HECW2: variants seen among roughly 807,000 people sequenced by gnomAD.
HECW2 encodes HECT, C2 and WW domain containing E3 ubiquitin protein ligase 2.
HECW2 carries 61 observed loss-of-function variants against 175.2 expected under a neutral mutation model. The ratio of observed to expected loss-of-function variants is 0.35; its 90% CI spans 0.28 to 0.43. HECW2 has a LOEUF of 0.43. Among genes scored for constraint, HECW2 ranks in the 20% least tolerant of loss-of-function variants. The pLI is 1.00. For synonymous variants in HECW2, 671 were observed against 731.0 expected (o/e 0.92, Z 1.32); for missense variants, 1,524 against 2,000.5 (o/e 0.76, Z 4.54).
intron 23 of HECW2, among the ~76,000 whole-genome samples, chr2:196,223,283 A>G (rs982417660): frequency 7.9e-5 from 12 of 152,334 alleles, no homozygotes; most frequent in Admixed American, 7.2e-4. Flanking sequence ...TCACACTTCA[A>G]TTTAAGAAAA....
chr2:196,312,018 T>C (rs1436870610), intron 10 of HECW2, among the ~76,000 whole-genome samples: 1 of 152,116 alleles, frequency 6.6e-6, no homozygotes, highest in Admixed American at 6.6e-5. Context: ...GAACGTAAGG[T>C]CTTCAGAGTT....
intron 4 of HECW2, among the ~76,000 whole-genome samples, chr2:196,333,729 T>G (rs1213057203): frequency 3.3e-5 from 5 of 152,168 alleles, no homozygotes; most frequent in East Asian, 3.8e-4. Flanking sequence ...AAAATAAAAT[T>G]TAAAAAATCA....
At chr2:196,266,203 G>A (rs567111894) in intron 17 of HECW2, among the ~76,000 whole-genome samples, 224 of 151,258 alleles carry the variant, frequency 1.5e-3, no homozygotes, top group Middle Eastern at 6.8e-3. Context: ...AACAATTAGC[G>A]GGGCAAGGTG....
intron 1 of HECW2, among the ~76,000 whole-genome samples, chr2:196,460,890 AC>A (rs1282620199): frequency 6.7e-6 from 1 of 149,068 alleles, no homozygotes; most frequent in Non-Finnish European, 1.5e-5. Context: ...CTCCCAAAGT[AC>A]TAGGATTACA....
intron 28 of HECW2, among the ~76,000 whole-genome samples, chr2:196,211,211 A>C (rs2105787632): frequency 6.6e-6 from 1 of 152,270 alleles, no homozygotes; most frequent in Non-Finnish European, 1.5e-5. Flanking sequence ...AACCTGGGGG[A>C]TGAACACAGA....
intron 1 of HECW2, among the ~76,000 whole-genome samples, chr2:196,532,763 A>AT (rs1688884341): frequency 6.6e-6 from 1 of 152,100 alleles, no homozygotes; most frequent in African/African-American, 2.4e-5. Context: ...GCTATCATCT[A>AT]TATTTATTGC....
In HECW2 at chr2:196,458,300, G is replaced by A. The variant is rs149520366; in HGVS notation, c.-35-24842C>T. On this transcript the variant is annotated intron_variant, in intron 1 of 28. Coordinates refer to ENST00000644978, the MANE Select transcript of HECW2 (RefSeq NM_001348768.2). ...AATTATTAAAAAAGTAAAATATTGGGAACTATCTCTTTCCTGTGCACTCTA... is the reference window on the plus strand; with the variant it reads ...AATTATTAAAAAAGTAAAATATTGGAAACTATCTCTTTCCTGTGCACTCTA... 9.6e-3 allele frequency among the ~76,000 whole-genome samples: 1,466 copies of A among 152,028 alleles called. 11 individuals carry two copies. Among genetic ancestry groups the A allele is most frequent in the Middle Eastern group, 0.02 (6 of 294 alleles).
chr2:196,229,125 G>A (rs1687956189), intron 21 of HECW2, among the ~76,000 whole-genome samples: 1 of 152,162 alleles, frequency 6.6e-6, no homozygotes, highest in Non-Finnish European at 1.5e-5. Flanking sequence ...TCGACCCTAT[G>A]ATAAAAAGTA....
At chr2:196,419,900 C>A (rs1469726839) in intron 2 of HECW2, among the ~76,000 whole-genome samples, 1 of 152,120 alleles carries the variant, frequency 6.6e-6, no homozygotes, top group Non-Finnish European at 1.5e-5. Flanking sequence ...GTATTATTAC[C>A]CAATGTTGAA....
At chr2:196,456,175 G>A (rs1460370375) in intron 1 of HECW2, among the ~76,000 whole-genome samples, 3 of 152,062 alleles carry the variant, frequency 2.0e-5, no homozygotes, top group African/African-American at 7.2e-5. Context: ...TCTTCTTTAA[G>A]TTAAACAACA....
chr2:196,435,683 G>A (rs1394617891), intron 1 of HECW2, among the ~76,000 whole-genome samples: 1 of 152,210 alleles, frequency 6.6e-6, no homozygotes, highest in Non-Finnish European at 1.5e-5. Flanking sequence ...AAGCTCTGAA[G>A]CCCAACTTCT....
At chr2:196,272,001 G>A (rs923162821) in intron 16 of HECW2, among the ~76,000 whole-genome samples, 1 of 152,084 alleles carries the variant, frequency 6.6e-6, no homozygotes, top group Non-Finnish European at 1.5e-5. Flanking sequence ...CGAGATTCTA[G>A]ATCTTGATCA....
At chr2:196,271,146 TG>T in intron 17 of HECW2, 46 bp downstream of exon 17, 1 of 1,068,104 alleles carries the variant, frequency 9.4e-7, no homozygotes, top group Non-Finnish European at 1.4e-6. Flanking sequence ...TAAGATTTAA[TG>T]GTTTGTGCTT....
chr2:196,542,822 T>TAA (rs1689272355), intron 1 of HECW2, among the ~76,000 whole-genome samples: 1 of 149,662 alleles, frequency 6.7e-6, no homozygotes, highest in South Asian at 2.1e-4. Flanking sequence ...TATCTATATA[T>TAA]AATCTAATAT....
intron 1 of HECW2, among the ~76,000 whole-genome samples, chr2:196,513,276 T>G (rs1688021057): frequency 6.6e-6 from 1 of 152,192 alleles, no homozygotes; most frequent in Non-Finnish European, 1.5e-5. Flanking sequence ...TTTGGGAGGC[T>G]AAGGCAGGTG....
intron 1 of HECW2, chr2:196,586,594 T>C (rs954690684): frequency 6.6e-6 from 1 of 152,146 alleles, no homozygotes; most frequent in Non-Finnish European, 1.5e-5. Context: ...TTACGTCTTC[T>C]CCATGAAGTG....
intron 3 of HECW2, among the ~76,000 whole-genome samples, chr2:196,339,708 C>T (rs1692678057): frequency 6.6e-6 from 1 of 152,214 alleles, no homozygotes; most frequent in South Asian, 2.1e-4. Flanking sequence ...ACATTCTGGC[C>T]TGCCAGTACT....
rs1373525942 is a variant in HECW2, at chr2:196,319,748, G to A, written c.1142C>T (p.Thr381Ile). ...PVSEDSAADG[T>I]PKHSFRTSST... ...GCTAGTCCTGAATGAATGCTTGGGG[G>A]TTCCATCGGCAGCACTGTCCTCAGA... Residue 381 changes from threonine to isoleucine, a missense_variant, in exon 9 of 29, where the codon ACC becomes ATC. Thr to Ile is a moderately conservative substitution (Grantham distance 89, BLOSUM62 -1). This residue lies in a region of HECW2 where 604 missense variants were observed against 588.3 expected (regional missense o/e 1.03). Transcript: ENST00000644978. 2 of 1,614,102 alleles carry A rather than the reference G, an allele frequency of 1.2e-6. No homozygotes were observed. Among genetic ancestry groups the A allele is most frequent in the Admixed American group, 1.7e-5 (1 of 60,010 alleles).
At chr2:196,263,808 ACT>A (rs1205444868) in intron 17 of HECW2, 2 of 152,338 alleles carry the variant, frequency 1.3e-5, no homozygotes, top group South Asian at 2.1e-4. Flanking sequence ...TAGTTACTTA[ACT>A]CTGTTTCCTC....
Sources: allele counts gnomAD v4.1 joint callset (sites outside exome capture counted in the v4.1 genomes callset), GRCh38; gene constraint gnomAD v4.1.1; regional missense constraint gnomAD v4.1.1; transcripts MANE v1.5; gene names NCBI Gene and HGNC (gene_info 2026-07-23, HGNC 2026-07-21).